Variants in RBM6 observed in about 807,000 individuals in gnomAD.
The protein encoded by RBM6 is RNA binding motif protein 6.
In RBM6, 23 loss-of-function variants were observed where a neutral mutation model predicts 140.4. The ratio of observed to expected loss-of-function variants is 0.16; its 90% confidence interval spans 0.12 to 0.23. The LOEUF (loss-of-function observed/expected upper bound fraction) is 0.23. RBM6 is among the 10% of genes least tolerant of loss of function. The pLI is 1.00. For missense variants in RBM6, 1,139 were observed against 1,386.7 expected, an observed-to-expected ratio of 0.82 and a Z score of 2.84; for synonymous variants, 439 against 475.6, an observed-to-expected ratio of 0.92 and a Z score of 1.00.
At chr3:49,973,039 C>CT (rs978068090) in intron 4 of RBM6, among the ~76,000 whole-genome samples, 2 of 152,166 alleles carry the variant, frequency 1.3e-5, no homozygotes, top group African/African-American at 4.8e-5. Context: ...CCACATTGGT[C>CT]AGGCTGGTCT....
intron 4 of RBM6, among the ~76,000 whole-genome samples, chr3:49,972,617 C>A (rs2084854047): frequency 2.6e-5 from 4 of 152,134 alleles, no homozygotes; most frequent in Admixed American, 1.3e-4. Flanking sequence ...GTGATACTTA[C>A]AAGCATTAGT....
At chr3:50,033,124 C>CA (rs1329175643) in intron 6 of RBM6, among the ~76,000 whole-genome samples, 1 of 152,020 alleles carries the variant, frequency 6.6e-6, no homozygotes, top group Non-Finnish European at 1.5e-5. Context: ...TGGAGAAACC[C>CA]AGTCTCTACT....
intron 20 of RBM6, among the ~76,000 whole-genome samples, chr3:50,075,658 A>G (rs956994851): frequency 2.0e-5 from 3 of 152,228 alleles, no homozygotes; most frequent in African/African-American, 7.2e-5. Flanking sequence ...AATGAAAGGT[A>G]CAGAGGCATC....
chr3:49,950,802 A>G (rs2083698070), intron 1 of RBM6, among the ~76,000 whole-genome samples: 1 of 152,072 alleles, frequency 6.6e-6, no homozygotes, highest in Non-Finnish European at 1.5e-5. Context: ...AAATAGAATT[A>G]CCATGTGATC....
chr3:50,070,237 C>T (rs934764599), intron 18 of RBM6, among the ~76,000 whole-genome samples: 2 of 152,064 alleles, frequency 1.3e-5, no homozygotes, highest in African/African-American at 4.8e-5. Flanking sequence ...CACCTGTAGT[C>T]CCAGCTACTT....
intron 1 of RBM6, among the ~76,000 whole-genome samples, chr3:49,945,928 T>C (rs888690807): frequency 2.0e-5 from 3 of 150,308 alleles, no homozygotes; most frequent in Admixed American, 2.0e-4. Context: ...GATGAGACCT[T>C]AATCCAGCAG....
At chr3:50,049,870 A>C (rs1476052747) in intron 7 of RBM6, among the ~76,000 whole-genome samples, 1 of 150,712 alleles carries the variant, frequency 6.6e-6, no homozygotes, top group African/African-American at 2.4e-5. Flanking sequence ...TTTTTTAAAT[A>C]AGAGATGGGA....
At chr3:49,953,912 C>T (rs1005732159) in intron 1 of RBM6, among the ~76,000 whole-genome samples, 3 of 151,972 alleles carry the variant, frequency 2.0e-5, no homozygotes, top group Non-Finnish European at 4.4e-5. Flanking sequence ...GCGGGGTAAT[C>T]GCCTGAATCA....
intron 6 of RBM6, among the ~76,000 whole-genome samples, chr3:50,042,870 G>A (rs949288502): frequency 6.6e-6 from 1 of 152,122 alleles, no homozygotes; most frequent in Non-Finnish European, 1.5e-5. Context: ...ATGAGATCAT[G>A]AAGTCTCTAA....
At chr3:50,023,110 A>AT (rs1257195872) in intron 6 of RBM6, among the ~76,000 whole-genome samples, 1 of 152,090 alleles carries the variant, frequency 6.6e-6, no homozygotes, top group Non-Finnish European at 1.5e-5. Flanking sequence ...CAAAAAAAAG[A>AT]TTTTTTTGAA....
intron 5 of RBM6, among the ~76,000 whole-genome samples, chr3:49,986,590 G>A (rs1165801965): frequency 8.2e-6 from 1 of 121,742 alleles, no homozygotes; most frequent in African/African-American, 3.1e-5. Context: ...GCAAGACTCC[G>A]TCTCAAAAAA....
chr3:49,980,761 T>TAA (rs1208250264), intron 5 of RBM6, among the ~76,000 whole-genome samples: 75 of 119,102 alleles, frequency 6.3e-4, no homozygotes, highest in Admixed American at 8.0e-4. Context: ...GAATTCATCT[T>TAA]AAAAAAAAAA....
chr3:50,027,150 TAGG>T (rs1240381609), intron 6 of RBM6, among the ~76,000 whole-genome samples: 2 of 151,974 alleles, frequency 1.3e-5, no homozygotes, highest in East Asian at 3.9e-4. Context: ...TGTGCATGGT[TAGG>T]AGGAGAAAAA....
chr3:50,062,502 CAA>C (rs750652866), intron 15 of RBM6, among the ~76,000 whole-genome samples: 15 of 121,084 alleles, frequency 1.2e-4, no homozygotes, highest in Admixed American at 1.7e-4. Flanking sequence ...GACTCTGTAT[CAA>C]AAAAAAAAAA....
intron 19 of RBM6, among the ~76,000 whole-genome samples, chr3:50,075,000 T>A (rs2090414651): frequency 6.7e-6 from 1 of 149,482 alleles, no homozygotes. Flanking sequence ...AAAAAAAAAA[T>A]TAAAAATTAG....
chr3:49,973,340 C>T (rs1033373757), intron 4 of RBM6, among the ~76,000 whole-genome samples: 3 of 151,964 alleles, frequency 2.0e-5, no homozygotes, highest in Non-Finnish European at 4.4e-5. Flanking sequence ...AAGAGGCATT[C>T]GAGCCCAGGC....
At chr3:50,042,324 TC>T (rs1433357662) in intron 6 of RBM6, among the ~76,000 whole-genome samples, 4 of 152,238 alleles carry the variant, frequency 2.6e-5, no homozygotes, top group African/African-American at 9.6e-5. Flanking sequence ...GCAATCATTT[TC>T]TCAGTACAAA....
intron 5 of RBM6, among the ~76,000 whole-genome samples, chr3:49,982,688 G>T (rs2085366596): frequency 6.6e-6 from 1 of 151,726 alleles, no homozygotes; most frequent in Non-Finnish European, 1.5e-5. Flanking sequence ...AAAGTGCTGG[G>T]ATTACAGGTG....
At chr3:49,978,190 G>A (rs979793079) in intron 5 of RBM6, among the ~76,000 whole-genome samples, 1 of 152,026 alleles carries the variant, frequency 6.6e-6, no homozygotes, top group Admixed American at 6.6e-5. Flanking sequence ...TTGTAGAGGC[G>A]CGGTCTCACT....
Sources: gnomAD v4.1 joint callset for allele counts (sites outside exome capture counted in the v4.1 genomes callset) on GRCh38, gnomAD v4.1.1 for gene constraint, MANE v1.5 for transcripts, NCBI Gene and HGNC (gene_info 2026-07-23, HGNC 2026-07-21) for gene names.